Variants in NTNG1 observed in about 807,000 individuals in gnomAD.
The protein encoded by NTNG1 is netrin G1.
Under a neutral mutation model 54.0 loss-of-function variants are expected in NTNG1, and 16 were observed. The ratio of observed to expected loss-of-function variants is 0.30; its 90% CI spans 0.20 to 0.45. The LOEUF (loss-of-function observed/expected upper bound fraction) is 0.45. Among genes scored for constraint, NTNG1 ranks in the 20% least tolerant of loss-of-function variants. NTNG1 has a pLI of 1.00. For synonymous variants in NTNG1, 255 were observed against 263.1 expected (o/e 0.97, Z 0.30); for missense variants, 530 against 678.7 (o/e 0.78, Z 2.43).
chr1:107,484,129 G>C lies in NTNG1; in HGVS notation c.*3289G>C, dbSNP rs906420547. Among the ~76,000 whole-genome samples the C allele has an allele frequency of 6.6e-6, 1 of 152,196 alleles. No individual in the cohort carries two copies. Among genetic ancestry groups the C allele is most frequent in the Non-Finnish European group, 1.5e-5 (1 of 68,042 alleles). ...GCAACATCCTGAGTGCATATACCTG[G>C]GCACAGGGAGTGGCAAAGGGTGCAT... On this transcript the variant is annotated 3_prime_UTR_variant, in exon 8 of 8. Coordinates refer to ENST00000370068, the MANE Select transcript of NTNG1 (RefSeq NM_001113226.3).
At chr1:107,344,399 C>A (rs1669097926) in intron 3 of NTNG1, among the ~76,000 whole-genome samples, 1 of 152,066 alleles carries the variant, frequency 6.6e-6, no homozygotes, top group Non-Finnish European at 1.5e-5. Context: ...CCTAGGGAGA[C>A]ACGAAGAGCC....
chr1:107,201,731 C>G (rs1278936402), intron 2 of NTNG1, among the ~76,000 whole-genome samples: 1 of 152,004 alleles, frequency 6.6e-6, no homozygotes, highest in South Asian at 2.1e-4. Flanking sequence ...ATTCAGCAGA[C>G]AGATAACATG....
intron 7 of NTNG1, among the ~76,000 whole-genome samples, chr1:107,464,469 G>A (rs1558019343): frequency 1.3e-5 from 2 of 152,136 alleles, no homozygotes; most frequent in Admixed American, 6.6e-5. Flanking sequence ...CATATATGAA[G>A]GGGCTAGCGC....
chr1:107,443,391 G>GTTTTCTTT (rs71098631), intron 7 of NTNG1, among the ~76,000 whole-genome samples: 145,657 of 151,160 alleles, frequency 0.96, 70,397 homozygotes, highest in East Asian at 1. Flanking sequence ...AGTTCAGGAG[G>GTTTTCTTT]TTTTCTTTTT....
intron 2 of NTNG1, among the ~76,000 whole-genome samples, chr1:107,227,274 T>G (rs1660750084): frequency 6.6e-6 from 1 of 152,148 alleles, no homozygotes; most frequent in Non-Finnish European, 1.5e-5. Flanking sequence ...TAATATTGTA[T>G]GAGTCCTCAA....
At chr1:107,171,527 G>C (rs959809532) in intron 2 of NTNG1, among the ~76,000 whole-genome samples, 1 of 152,064 alleles carries the variant, frequency 6.6e-6, no homozygotes, top group Non-Finnish European at 1.5e-5. Context: ...AAAGACACTG[G>C]GTTCTTTTTC....
chr1:107,212,027 T>G (rs1045630833), intron 2 of NTNG1, among the ~76,000 whole-genome samples: 13 of 152,130 alleles, frequency 8.5e-5, no homozygotes, highest in African/African-American at 3.1e-4. Flanking sequence ...TTAAATCTCT[T>G]TATAGATGTA....
intron 2 of NTNG1, among the ~76,000 whole-genome samples, chr1:107,159,487 G>A (rs964749672): frequency 6.6e-6 from 1 of 152,150 alleles, no homozygotes; most frequent in Non-Finnish European, 1.5e-5. Flanking sequence ...AGCTTGGACT[G>A]TGTTGGTTCT....
intron 3 of NTNG1, among the ~76,000 whole-genome samples, chr1:107,347,308 G>A (rs1245120944): frequency 6.6e-6 from 1 of 152,120 alleles, no homozygotes; most frequent in Non-Finnish European, 1.5e-5. Flanking sequence ...GAGGCCAGAA[G>A]TTCAAGATCA....
At chr1:107,187,803 AG>A (rs1464351393) in intron 2 of NTNG1, among the ~76,000 whole-genome samples, 1 of 152,180 alleles carries the variant, frequency 6.6e-6, no homozygotes, top group Non-Finnish European at 1.5e-5. Flanking sequence ...TGCAGAAGCA[AG>A]GGCAGAATGA....
intron 7 of NTNG1, among the ~76,000 whole-genome samples, chr1:107,447,978 G>A (rs1676404497): frequency 6.6e-6 from 1 of 152,030 alleles, no homozygotes; most frequent in Non-Finnish European, 1.5e-5. Context: ...GTCCCAGTAT[G>A]TGCCAGACAT....
intron 2 of NTNG1, among the ~76,000 whole-genome samples, chr1:107,163,292 G>A (rs996497847): frequency 2.0e-5 from 3 of 152,114 alleles, no homozygotes; most frequent in Admixed American, 6.5e-5. Flanking sequence ...AGGTCTGAAG[G>A]TTCAAGATGT....
At chr1:107,288,695 G>T (rs1488292479) in intron 2 of NTNG1, among the ~76,000 whole-genome samples, 1 of 152,148 alleles carries the variant, frequency 6.6e-6, no homozygotes, top group Non-Finnish European at 1.5e-5. Flanking sequence ...TGACAAATGA[G>T]TGGGGGTTAA....
At chr1:107,154,978 G>A (rs553688265) in intron 2 of NTNG1, among the ~76,000 whole-genome samples, 1 of 152,126 alleles carries the variant, frequency 6.6e-6, no homozygotes, top group Admixed American at 6.5e-5. Context: ...ATGCTTTGCA[G>A]TGGAATACTG....
chr1:107,470,585 T>C (rs548829403), intron 7 of NTNG1, among the ~76,000 whole-genome samples: 30 of 152,376 alleles, frequency 2.0e-4, no homozygotes, highest in Non-Finnish European at 3.2e-4. Context: ...CACAATGCCA[T>C]GTACTTTGAA....
chr1:107,480,861 G>A lies in NTNG1; in HGVS notation c.*21G>A, dbSNP rs577255487. 6.5e-6 allele frequency: 10 copies of A among 1,532,858 alleles called. No homozygotes were observed. The African/African-American group carries it at 1.1e-4, about 17-fold the overall frequency. The allele number at this position is 1,532,858 out of a possible 1,614,324, so 95.0% of individuals were successfully genotyped here. ...TCTAGGTGTCACCTCCAGCCACACC[G>A]GACGGGCCTGTGCCGTGGGGAAGCA... On this transcript the variant is annotated 3_prime_UTR_variant, in exon 8 of 8. Transcript: ENST00000370068.
chr1:107,239,504 A>T (rs1442947766), intron 2 of NTNG1, among the ~76,000 whole-genome samples: 1 of 152,252 alleles, frequency 6.6e-6, no homozygotes, highest in East Asian at 1.9e-4. Flanking sequence ...AAGAGTAAGA[A>T]GGCTGTTTTC....
At chr1:107,352,484 G>A (rs1288994928) in intron 3 of NTNG1, among the ~76,000 whole-genome samples, 1 of 152,152 alleles carries the variant, frequency 6.6e-6, no homozygotes, top group African/African-American at 2.4e-5. Context: ...CTGAGTGGAG[G>A]CTCCAGCCCC....
Position 107,395,024 on chromosome 1 carries a change from C to T in NTNG1, c.888-130C>T, listed in dbSNP as rs890411443. 11 of 733,816 alleles carry T rather than the reference C, an allele frequency of 1.5e-5. No individual in the cohort carries two copies. The East Asian group carries it at 2.7e-4, about 18-fold the overall frequency. The allele number at this position is 733,816 out of a possible 1,614,324, so 45.5% of individuals were successfully genotyped here. On this transcript the variant is annotated intron_variant, in intron 3 of 7. Transcript: ENST00000370068. ...GATTCTGAGGGCTGGGCCTGCAAAT[C>T]TATCTCTTACTAAATGCCTCTGTGT...
Sources: gnomAD v4.1 joint callset for allele counts (sites outside exome capture counted in the v4.1 genomes callset) on GRCh38, gnomAD v4.1.1 for gene constraint, MANE v1.5 for transcripts, NCBI Gene and HGNC (gene_info 2026-07-23, HGNC 2026-07-21) for gene names.